PRKX: variants seen among roughly 807,000 people sequenced by gnomAD.
PRKX encodes cAMP-dependent protein kinase catalytic subunit PRKX.
In PRKX, 12 loss-of-function variants were observed where a neutral mutation model predicts 22.0. The ratio of observed to expected loss-of-function variants is 0.54; its 90% CI spans 0.35 to 0.88. The LOEUF is 0.88. Among genes scored for constraint, PRKX ranks in the 40% least tolerant of loss-of-function variants. The probability of loss-of-function intolerance (pLI) is 0.01; values close to 1 mark genes in which losing one functional copy is unlikely to be tolerated. For missense variants in PRKX, 217 were observed against 308.0 expected (o/e 0.70, Z 2.21); for synonymous variants, 134 against 137.7 (o/e 0.97, Z 0.19).
intron 3 of PRKX, among the ~76,000 whole-genome samples, chrX:3,644,785 C>T (rs768050495): frequency 1.8e-5 from 2 of 111,769 alleles, no homozygotes; most frequent in African/African-American, 6.5e-5. Flanking sequence ...TCTAGCCCAT[C>T]CAAAGTGGCC....
At chrX:3,664,598 T>A (rs1481193356) in intron 2 of PRKX, among the ~76,000 whole-genome samples, 1 of 112,226 alleles carries the variant, frequency 8.9e-6, no homozygotes, top group East Asian at 2.8e-4. Flanking sequence ...ATTTAGTATA[T>A]AAAAGTCACA....
intron 3 of PRKX, among the ~76,000 whole-genome samples, chrX:3,654,640 T>C (rs1177025080): frequency 1.9e-5 from 2 of 106,847 alleles, no homozygotes; most frequent in Non-Finnish European, 3.8e-5. Context: ...ATAATCAACT[T>C]TTTTTTAAAT....
At chrX:3,610,414 G>A (rs746937576) in intron 8 of PRKX, among the ~76,000 whole-genome samples, 62 of 111,051 alleles carry the variant, frequency 5.6e-4, no homozygotes, top group African/African-American at 2.0e-3. Context: ...CCCAGGAGGC[G>A]GAGGTTGCAG....
rs73178144 is a variant in PRKX, at chrX:3,625,046, G to A, written c.815+1373C>T. On this transcript the variant is annotated intron_variant, in intron 5 of 8. Coordinates refer to ENST00000262848, the MANE Select transcript of PRKX (RefSeq NM_005044.5). ...CTTTCTATTTCCTTCCAGAGCAGTC[G>A]GCTTCTGAGGTGCTGTTTCCCCTGA... Among the ~76,000 whole-genome samples the A allele has an allele frequency of 8.5e-3, 945 of 111,150 alleles. 6 individuals are homozygous for A. Among genetic ancestry groups the A allele is most frequent in the Middle Eastern group, 0.019 (4 of 215 alleles).
At chrX:3,711,829 G>A (rs1217238683) in intron 1 of PRKX, among the ~76,000 whole-genome samples, 2 of 109,511 alleles carry the variant, frequency 1.8e-5, no homozygotes, top group Non-Finnish European at 3.8e-5. Flanking sequence ...GAGGAGAAAT[G>A]CAGAGAGACT....
intron 1 of PRKX, among the ~76,000 whole-genome samples, chrX:3,693,164 C>T (rs905239301): frequency 1.8e-5 from 2 of 110,758 alleles, no homozygotes; most frequent in African/African-American, 6.6e-5. Context: ...GCATTAATGA[C>T]AGTAAGTCTA....
intron 3 of PRKX, among the ~76,000 whole-genome samples, chrX:3,644,400 CAAAAAA>C (rs752467196): frequency 5.4e-5 from 2 of 37,091 alleles, no homozygotes; most frequent in East Asian, 9.1e-4. Flanking sequence ...GACACTGTCT[CAAAAAA>C]AAAAAAAAAA....
intron 2 of PRKX, among the ~76,000 whole-genome samples, chrX:3,671,089 T>C (rs1927837639): frequency 9.0e-6 from 1 of 111,066 alleles, no homozygotes; most frequent in Non-Finnish European, 1.9e-5. Flanking sequence ...CAGGCTGCAG[T>C]GCAGTGGCAC....
chrX:3,706,066 C>T lies in PRKX; in HGVS notation c.166+7022G>A, dbSNP rs763924913. 3.7e-5 allele frequency among the ~76,000 whole-genome samples: 4 copies of T among 108,966 alleles called. No individual in the cohort carries two copies. The East Asian group carries it at 1.2e-3, about 32-fold the overall frequency. 94.6% of individuals were successfully genotyped at this position (108,966 alleles called of 115,157 possible). ...ACCTTTTTAAGATATATCTCTCACT[C>T]TTTTTTTCAACTTTACATATGCGAT... On this transcript the variant is annotated intron_variant, in intron 1 of 8. Coordinates refer to ENST00000262848, the MANE Select transcript of PRKX (RefSeq NM_005044.5).
chrX:3,672,922 G>A (rs1231453864), intron 2 of PRKX, among the ~76,000 whole-genome samples: 1 of 111,588 alleles, frequency 9.0e-6, no homozygotes, highest in African/African-American at 3.3e-5. Context: ...GGAGGCGGCA[G>A]AGGCTGCAGT....
chrX:3,646,799 G>A (rs1266832918), intron 3 of PRKX, among the ~76,000 whole-genome samples: 1 of 110,719 alleles, frequency 9.0e-6, no homozygotes, highest in East Asian at 2.8e-4. Context: ...GTGTGTTTGC[G>A]AGCATGGGAC....
rs776745300 is a variant in PRKX, at chrX:3,617,785, C to G, written c.874-1893G>C. 3.6e-5 allele frequency among the ~76,000 whole-genome samples: 4 copies of G among 111,175 alleles called. No individual in the cohort carries two copies. In the East Asian group the frequency reaches 1.1e-3, roughly 32 times the overall value. On this transcript the variant is annotated intron_variant, in intron 6 of 8. Coordinates refer to ENST00000262848, the MANE Select transcript of PRKX (RefSeq NM_005044.5). ...ATAATGATCTTAAAAACTCCTATCC[C>G]CTAGTGACGCCATGGCCATTGTAAC...
At chrX:3,632,398 C>T (rs993925430) in intron 4 of PRKX, among the ~76,000 whole-genome samples, 3 of 111,229 alleles carry the variant, frequency 2.7e-5, no homozygotes, top group Admixed American at 1.9e-4. Flanking sequence ...CACCTGCCCG[C>T]AGCGTTCTCT....
intron 6 of PRKX, among the ~76,000 whole-genome samples, chrX:3,619,002 A>G (rs1249899900): frequency 8.9e-6 from 1 of 112,374 alleles, no homozygotes; most frequent in African/African-American, 3.2e-5. Flanking sequence ...TCCGCAAATA[A>G]TGTAAAGGAC....
chrX:3,688,806 C>G (rs995753698), intron 1 of PRKX, among the ~76,000 whole-genome samples: 11 of 107,837 alleles, frequency 1.0e-4, no homozygotes, highest in Non-Finnish European at 1.9e-4. Context: ...GAGTTGGAGG[C>G]TGCAGTGAAT....
rs963604453 is a variant in PRKX, at chrX:3,689,324, C to A, written c.167-14558G>T. 9.8e-5 allele frequency among the ~76,000 whole-genome samples: 11 copies of A among 112,209 alleles called. 1 individual carries two copies. The highest frequency in any genetic ancestry group is 1.1e-4 in the Non-Finnish European group (6 of 53,290). On this transcript the variant is annotated intron_variant, in intron 1 of 8. Coordinates refer to ENST00000262848, the MANE Select transcript of PRKX (RefSeq NM_005044.5). ...AAGTCGATTTTTGGAATTACTGCTG[C>A]AAACAAGTATAATGACCTTCTATTT...
intron 1 of PRKX, among the ~76,000 whole-genome samples, chrX:3,711,994 G>A (rs1199874118): frequency 8.9e-6 from 1 of 111,759 alleles, no homozygotes; most frequent in Non-Finnish European, 1.9e-5. Context: ...CTTCCTCAAG[G>A]TCTAAGTGGC....
At position 3,683,041 on chromosome X, in the gene PRKX, G is replaced by A. The variant is rs748929395; in HGVS notation, c.167-8275C>T. On this transcript the variant is annotated intron_variant, in intron 1 of 8. Transcript: ENST00000262848. ...GGCCACAAGCTCAGGGACGCCTGGA[G>A]CCCCCAGGAGCTGGGAGAGGCAGGA... Among the ~76,000 whole-genome samples the A allele has an allele frequency of 6.5e-4, 72 of 111,210 alleles. No individual in the cohort carries two copies. The South Asian group carries it at 0.022, about 34-fold the overall frequency.
In PRKX at chrX:3,618,112, T is replaced by C. The variant is rs150529443; in HGVS notation, c.874-2220A>G. On this transcript the variant is annotated intron_variant, in intron 6 of 8. Coordinates refer to ENST00000262848, the MANE Select transcript of PRKX (RefSeq NM_005044.5). ...AATAAGCCAGGCACAGATAGACAAATACAGTCTGACCTCACTTACATGGGA... is the reference window on the plus strand; with the variant it reads ...AATAAGCCAGGCACAGATAGACAAACACAGTCTGACCTCACTTACATGGGA... 4.7e-3 allele frequency among the ~76,000 whole-genome samples: 463 copies of C among 98,188 alleles called. 2 individuals carry two copies. The highest frequency in any genetic ancestry group is 0.033 in the South Asian group (69 of 2,106). 85.3% of individuals were successfully genotyped at this position (98,188 alleles called of 115,157 possible).
Sources: gnomAD v4.1 joint callset for allele counts (sites outside exome capture counted in the v4.1 genomes callset) on GRCh38, gnomAD v4.1.1 for gene constraint, MANE v1.5 for transcripts, NCBI Gene and HGNC (gene_info 2026-07-23, HGNC 2026-07-21) for gene names.